SLC7A13: variants seen among roughly 807,000 people sequenced by gnomAD.
SLC7A13 encodes the protein X-amino acid transporter 2.
SLC7A13 carries 31 observed loss-of-function variants against 32.0 expected under a neutral mutation model. The ratio of observed to expected loss-of-function variants is 0.97; its 90% CI spans 0.73 to 1.31. The LOEUF (loss-of-function observed/expected upper bound fraction) is 1.31, where lower values mean the gene tolerates loss of function less well. SLC7A13 is among the 50% of genes most tolerant of loss of function. The pLI is 0.00. For synonymous variants in SLC7A13, 232 were observed against 206.9 expected (o/e 1.12, Z -1.04); for missense variants, 633 against 546.9 (o/e 1.16, Z -1.57).
intron 3 of SLC7A13, chr8:86,215,727 A>G: frequency 2.4e-6 from 1 of 421,572 alleles, no homozygotes; most frequent in Non-Finnish European, 4.7e-6. Flanking sequence ...ATCTCTTCTT[A>G]GCTTATAAAG....
At chr8:86,226,565 A>G (rs1820391237) in intron 1 of SLC7A13, among the ~76,000 whole-genome samples, 1 of 152,072 alleles carries the variant, frequency 6.6e-6, no homozygotes, top group African/African-American at 2.4e-5. Context: ...TCCTCACTGA[A>G]TCTTCTTTCT....
intron 1 of SLC7A13, among the ~76,000 whole-genome samples, chr8:86,223,853 T>C (rs1820345980): frequency 6.6e-6 from 1 of 151,808 alleles, no homozygotes; most frequent in Non-Finnish European, 1.5e-5. Flanking sequence ...CTGCCTAATA[T>C]AGCTAAATGA....
At chr8:86,219,980 A>G (rs1820265926) in intron 2 of SLC7A13, among the ~76,000 whole-genome samples, 1 of 152,126 alleles carries the variant, frequency 6.6e-6, no homozygotes, top group African/African-American at 2.4e-5. Context: ...TAATTGCATC[A>G]ATTTACCAAT....
At chr8:86,224,516 CA>C (rs904425671) in intron 1 of SLC7A13, among the ~76,000 whole-genome samples, 1 of 152,004 alleles carries the variant, frequency 6.6e-6, no homozygotes, top group Non-Finnish European at 1.5e-5. Context: ...ATATTAAGTG[CA>C]AAAAAAGGCC....
At chr8:86,222,202 T>C (rs1820308571) in intron 2 of SLC7A13, among the ~76,000 whole-genome samples, 1 of 152,130 alleles carries the variant, frequency 6.6e-6, no homozygotes, top group Non-Finnish European at 1.5e-5. Context: ...AAACCAATAA[T>C]AGCTGCTCAA....
intron 1 of SLC7A13, among the ~76,000 whole-genome samples, chr8:86,229,236 AG>A (rs35664669): frequency 0.032 from 4,803 of 152,296 alleles, 274 homozygotes; most frequent in African/African-American, 0.11. Context: ...ACACAAACAT[AG>A]TCTGGCATTG....
intron 1 of SLC7A13, among the ~76,000 whole-genome samples, chr8:86,228,646 G>A (rs1820430908): frequency 6.6e-6 from 1 of 152,184 alleles, no homozygotes; most frequent in East Asian, 1.9e-4. Flanking sequence ...AAGTGTTCGA[G>A]ACCAACCTGG....
intron 1 of SLC7A13, among the ~76,000 whole-genome samples, chr8:86,224,457 C>T (rs1820355460): frequency 6.6e-6 from 1 of 152,058 alleles, no homozygotes; most frequent in Admixed American, 6.6e-5. Context: ...TTAAAGAGCC[C>T]ATCATAAATT....
In SLC7A13 at chr8:86,214,369, G is replaced by GT; in HGVS notation, c.*43dup. The GT allele has an allele frequency of 1.7e-6, 2 of 1,178,994 alleles. No homozygotes were observed. Among genetic ancestry groups the GT allele is most frequent in the Non-Finnish European group, 2.4e-6 (2 of 822,018 alleles). The allele number at this position is 1,178,994 out of a possible 1,614,324, so 73.0% of individuals were successfully genotyped here. A position where few individuals can be genotyped will look rare whatever the true frequency, so the allele number is the denominator to read the frequency against. On this transcript the variant is annotated 3_prime_UTR_variant, in exon 4 of 4. Transcript: ENST00000297524. ...AACCTTGATTTGGAATCTGATATAT[G>GT]TTTTTTAGAAGGCCAATTTTTTAAG...
At chr8:86,221,996 G>C (rs1172900472) in intron 2 of SLC7A13, among the ~76,000 whole-genome samples, 3 of 152,026 alleles carry the variant, frequency 2.0e-5, no homozygotes, top group African/African-American at 7.2e-5. Flanking sequence ...TTTGCATTTG[G>C]TTTTTTCCCA....
chr8:86,218,954 G>A (rs954031611), intron 2 of SLC7A13, among the ~76,000 whole-genome samples: 3 of 151,958 alleles, frequency 2.0e-5, no homozygotes, highest in South Asian at 2.1e-4. Flanking sequence ...TCAACATACT[G>A]GCTTATAACA....
At chr8:86,221,082 GTGCAAACAA>G (rs1820288425) in intron 2 of SLC7A13, among the ~76,000 whole-genome samples, 1 of 151,354 alleles carries the variant, frequency 6.6e-6, no homozygotes, top group Admixed American at 6.6e-5. Context: ...GGAATATTCA[GTGCAAACAA>G]TAAAGTAAAA....
chr8:86,216,851 C>T (rs904560520), intron 3 of SLC7A13, among the ~76,000 whole-genome samples: 1 of 152,290 alleles, frequency 6.6e-6, no homozygotes, highest in East Asian at 1.9e-4. Flanking sequence ...GAACATCCTA[C>T]CTAGGCAACT....
At position 86,228,244 on chromosome 8, in the gene SLC7A13, C is replaced by A. The variant is rs145655610; in HGVS notation, c.685+1349G>T. ...TGTCATTGCAGACAAGGGGTCTGAA[C>A]TGCTGGAGAATTTCCTGTTTCGGGT... On this transcript the variant is annotated intron_variant, in intron 1 of 3. Coordinates refer to ENST00000297524, the MANE Select transcript of SLC7A13 (RefSeq NM_138817.3). Among the ~76,000 whole-genome samples, 162 of 152,312 alleles carry A rather than the reference C, an allele frequency of 1.1e-3. 1 individual carries two copies. The highest frequency in any genetic ancestry group is 3.7e-3 in the African/African-American group (153 of 41,576).
chr8:86,225,357 GA>G (rs1261386105), intron 1 of SLC7A13, among the ~76,000 whole-genome samples: 2 of 152,102 alleles, frequency 1.3e-5, no homozygotes, highest in East Asian at 3.9e-4. Context: ...TCCTTATAGT[GA>G]AAACTGTAGG....
At position 86,217,805 on chromosome 8, in the gene SLC7A13, G is replaced by T. The variant is rs141623545; in HGVS notation, c.844C>A (p.Arg282=). 2 of 1,596,582 alleles carry T rather than the reference G, an allele frequency of 1.3e-6. No homozygotes were observed. The highest frequency in any genetic ancestry group is 1.4e-5 in the African/African-American group (1 of 73,992). ...SDAVAITWAD[R]AFPSLAWIMP... is the part of the protein sequence containing the mutation. Reference sequence around the variant, plus strand: ...ATCCATGCTAATGAGGGAAAAGCTCGATCAGCCCATGTGATAGCTACAGCA... The same window carrying T: ...ATCCATGCTAATGAGGGAAAAGCTCTATCAGCCCATGTGATAGCTACAGCA... The change falls in exon 3 of 4, where the codon CGA becomes AGA. Residue 282 remains arginine, a synonymous_variant. Transcript: ENST00000297524.
Position 86,229,493 on chromosome 8 carries a change from C to T in SLC7A13, c.685+100G>A, listed in dbSNP as rs1820444662. Reference sequence around the variant, plus strand: ...CAGAAAGTCACAAAGAAGAAAGAAACATTAAATCATTTAAGACTCAAAATA... The same window carrying T: ...CAGAAAGTCACAAAGAAGAAAGAAATATTAAATCATTTAAGACTCAAAATA... On this transcript the variant is annotated intron_variant, in intron 1 of 3. Coordinates refer to ENST00000297524, the MANE Select transcript of SLC7A13 (RefSeq NM_138817.3). 4.5e-5 allele frequency: 50 copies of T among 1,109,902 alleles called. 1 individual carries two copies. In the South Asian group the frequency reaches 7.1e-4, roughly 16 times the overall value. The allele number at this position is 1,109,902 out of a possible 1,614,324, so 68.8% of individuals were successfully genotyped here.
At position 86,230,183 on chromosome 8, in the gene SLC7A13, A is replaced by T. The variant is rs762771829; in HGVS notation, c.95T>A (p.Phe32Tyr). Residue 32 changes from phenylalanine (F) to tyrosine (Y), a missense_variant, in exon 1 of 4, where the codon TTT becomes TAT. Physicochemically the swap from Phe to Tyr is conservative, Grantham distance 22 (BLOSUM62 3). Transcript: ENST00000297524. ...TGCCAACACACCTTTGGGGGACACA[A>T]AAATTCCTGCACCAATGATATTAAT... Reference protein sequence around the residue: ...LLINIIGAGIFVSPKGVLAYS... With the variant: ...LLINIIGAGIYVSPKGVLAYS... 1.8e-5 allele frequency: 29 copies of T among 1,614,032 alleles called. No homozygotes were observed. Among genetic ancestry groups the T allele is most frequent in the Non-Finnish European group, 2.5e-5 (29 of 1,180,026 alleles).
intron 1 of SLC7A13, among the ~76,000 whole-genome samples, chr8:86,225,891 G>T (rs918331912): frequency 6.6e-6 from 1 of 152,044 alleles, no homozygotes. Flanking sequence ...TGATTGCACA[G>T]CTGCACTCCA....
Sources: gnomAD v4.1 joint callset for allele counts (sites outside exome capture counted in the v4.1 genomes callset) on GRCh38, gnomAD v4.1.1 for gene constraint, MANE v1.5 for transcripts, NCBI Gene and HGNC (gene_info 2026-07-23, HGNC 2026-07-21) for gene names.